Variants in TRPS1 observed in about 807,000 individuals in gnomAD.
TRPS1 encodes the protein transcriptional repressor GATA binding 1.
Under a neutral mutation model 101.2 loss-of-function variants are expected in TRPS1, and 6 were observed. The ratio of observed to expected loss-of-function variants is 0.06; its 90% CI spans 0.03 to 0.12. The LOEUF is 0.12. TRPS1 is among the 10% of genes least tolerant of loss of function. TRPS1 has a pLI of 1.00. For missense variants in TRPS1, 1,363 were observed against 1,567.0 expected (o/e 0.87, Z 2.20); for synonymous variants, 578 against 589.8 (o/e 0.98, Z 0.29).
At chr8:115,590,568 T>A (rs13269499) in intron 4 of TRPS1, among the ~76,000 whole-genome samples, 1 of 152,016 alleles carries the variant, frequency 6.6e-6, no homozygotes, top group Non-Finnish European at 1.5e-5. Context: ...TACAAAATTC[T>A]TGTGGACCAC....
At chr8:115,537,524 C>T (rs1210834695) in intron 5 of TRPS1, among the ~76,000 whole-genome samples, 4 of 152,064 alleles carry the variant, frequency 2.6e-5, no homozygotes, top group African/African-American at 4.8e-5. Flanking sequence ...ACCCATAAGT[C>T]GATGCCTCTG....
chr8:115,412,212 C>T lies in TRPS1; in HGVS notation c.*1811G>A, dbSNP rs1812807113. The T allele has an allele frequency of 6.6e-6, 1 of 151,982 alleles. No homozygotes were observed. The highest frequency in any genetic ancestry group is 6.6e-5 in the Admixed American group (1 of 15,184). 9.4% of individuals were successfully genotyped at this position (151,982 alleles called of 1,614,324 possible). On this transcript the variant is annotated 3_prime_UTR_variant, in exon 7 of 7. Transcript: ENST00000395715. Reference sequence around the variant, plus strand: ...AAAAAGTACTTGGAATGAATAAGTGCTACCCTTTTTTTCCTAAGTAGGCAT... The same window carrying T: ...AAAAAGTACTTGGAATGAATAAGTGTTACCCTTTTTTTCCTAAGTAGGCAT...
intron 1 of TRPS1, among the ~76,000 whole-genome samples, chr8:115,662,672 A>G (rs1199656019): frequency 6.7e-6 from 1 of 149,576 alleles, no homozygotes; most frequent in East Asian, 1.9e-4. Context: ...AAAGTCAGAG[A>G]GAAAGAAATG....
chr8:115,415,986 G>A (rs546219230), intron 6 of TRPS1, among the ~76,000 whole-genome samples: 1 of 151,856 alleles, frequency 6.6e-6, no homozygotes, highest in Non-Finnish European at 1.5e-5. Context: ...GCAATAGAGA[G>A]GGATTTTTTT....
rs867984323 is a variant in TRPS1 at position 115,619,746 on chromosome 8, C to T, written c.352G>A (p.Val118Met). The change falls in exon 3 of 7, where the codon GTG (valine) becomes ATG (methionine). Residue 118 changes from valine to methionine, a missense_variant. By Grantham distance (21) the Val-to-Met change is conservative. Transcript: ENST00000395715. ...AAAGCCAACATATTTCTGTCTGTCA[C>T]CTCATCATGCGGAAAGGAGGGAAAG... ...GNFPSFPHDE[V>M]TDRNMLAFSS... 6.2e-7 allele frequency: 1 copy of T among 1,614,224 alleles called. No individual in the cohort carries two copies. Among genetic ancestry groups the T allele is most frequent in the Non-Finnish European group, 8.5e-7 (1 of 1,180,044 alleles).
At chr8:115,556,559 A>T (rs934659510) in intron 5 of TRPS1, among the ~76,000 whole-genome samples, 4 of 152,176 alleles carry the variant, frequency 2.6e-5, no homozygotes, top group African/African-American at 9.7e-5. Context: ...TCTGTCTAAA[A>T]GGATGGCAAA....
chr8:115,540,266 T>A (rs540392151), intron 5 of TRPS1, among the ~76,000 whole-genome samples: 17 of 152,304 alleles, frequency 1.1e-4, no homozygotes, highest in Non-Finnish European at 1.5e-5. Context: ...TGGGAAAGTA[T>A]AATTAATAAG....
At chr8:115,583,081 G>A (rs10505257) in intron 5 of TRPS1, among the ~76,000 whole-genome samples, 21,009 of 151,956 alleles carry the variant, frequency 0.14, 1,746 homozygotes, top group Non-Finnish European at 0.19. Context: ...TTTAATGATC[G>A]ATTTTTGGAT....
chr8:115,645,850 C>T (rs939443980), intron 1 of TRPS1, among the ~76,000 whole-genome samples: 1 of 152,054 alleles, frequency 6.6e-6, no homozygotes, highest in African/African-American at 2.4e-5. Context: ...AATACCAAAG[C>T]TTATAGAACT....
At chr8:115,423,029 A>C (rs772082501) in intron 5 of TRPS1, among the ~76,000 whole-genome samples, 7 of 152,166 alleles carry the variant, frequency 4.6e-5, no homozygotes, top group Non-Finnish European at 8.8e-5. Flanking sequence ...ACACATGTAA[A>C]GCCGCAAAGA....
At chr8:115,453,284 GC>G (rs1813927460) in intron 5 of TRPS1, among the ~76,000 whole-genome samples, 1 of 152,160 alleles carries the variant, frequency 6.6e-6, no homozygotes. Context: ...CTCCCAAAGT[GC>G]TGGGATTACA....
chr8:115,652,967 A>G (rs1389520133), intron 1 of TRPS1, among the ~76,000 whole-genome samples: 1 of 152,204 alleles, frequency 6.6e-6, no homozygotes, highest in Non-Finnish European at 1.5e-5. Context: ...AGAGGTGGAA[A>G]TAAACATTAA....
intron 5 of TRPS1, among the ~76,000 whole-genome samples, chr8:115,459,156 T>G (rs1209660214): frequency 3.3e-5 from 5 of 152,098 alleles, no homozygotes; most frequent in African/African-American, 1.2e-4. Flanking sequence ...GCTAACACGG[T>G]GAAACCCCGT....
intron 3 of TRPS1, among the ~76,000 whole-genome samples, chr8:115,609,421 A>G (rs1213815559): frequency 2.0e-5 from 3 of 152,232 alleles, no homozygotes; most frequent in African/African-American, 7.2e-5. Flanking sequence ...TTCTTGAGCT[A>G]CAAGAATAGT....
intron 5 of TRPS1, among the ~76,000 whole-genome samples, chr8:115,583,010 TA>T (rs1817485935): frequency 6.6e-6 from 1 of 152,194 alleles, no homozygotes; most frequent in Non-Finnish European, 1.5e-5. Flanking sequence ...AGCTTAACTG[TA>T]CTTCCGTATT....
chr8:115,637,992 A>G (rs2737231), intron 1 of TRPS1, among the ~76,000 whole-genome samples: 51,165 of 152,002 alleles, frequency 0.34, 8,950 homozygotes, highest in Admixed American at 0.42. Flanking sequence ...ACATAAATTT[A>G]GGTTTTCCAA....
At chr8:115,460,953 C>T (rs1471719935) in intron 5 of TRPS1, among the ~76,000 whole-genome samples, 2 of 152,122 alleles carry the variant, frequency 1.3e-5, no homozygotes, top group African/African-American at 4.8e-5. Flanking sequence ...GGCCAAGTAA[C>T]TATAGCTACA....
intron 1 of TRPS1, among the ~76,000 whole-genome samples, chr8:115,642,251 T>C (rs535800013): frequency 2.2e-5 from 2 of 91,706 alleles, no homozygotes; most frequent in East Asian, 6.5e-4. Flanking sequence ...CCTGTGTGTA[T>C]ATATATATAT....
At chr8:115,467,570 C>A (rs1814356156) in intron 5 of TRPS1, among the ~76,000 whole-genome samples, 1 of 151,902 alleles carries the variant, frequency 6.6e-6, no homozygotes, top group African/African-American at 2.4e-5. Context: ...GGAGCCAGGA[C>A]AGAGAATAAG....
Sources: allele counts gnomAD v4.1 joint callset (sites outside exome capture counted in the v4.1 genomes callset), GRCh38; gene constraint gnomAD v4.1.1; transcripts MANE v1.5; gene names NCBI Gene and HGNC (gene_info 2026-07-23, HGNC 2026-07-21).